The following OR5A2 variants were observed in gnomAD, a reference collection of about 807,000 sequenced individuals.
OR5A2 encodes olfactory receptor 5A2.
For missense variants in OR5A2, 406 were observed against 398.9 expected, an observed-to-expected ratio of 1.02 and a Z score of -0.15; for synonymous variants, 155 against 151.1, an observed-to-expected ratio of 1.03 and a Z score of -0.19.
At position 59,417,538 on chromosome 11, in the gene OR5A2, A is replaced by G. The variant is rs1357658758; in HGVS notation, c.*4441T>C. The G allele has an allele frequency of 6.6e-6, 1 of 152,112 alleles. No homozygotes were observed. The highest frequency in any genetic ancestry group is 1.9e-4 in the East Asian group (1 of 5,162). 9.4% of individuals were successfully genotyped at this position (152,112 alleles called of 1,614,324 possible). A position where few individuals can be genotyped will look rare whatever the true frequency, so the allele number is the denominator to read the frequency against. ...GTTATAGACATGAGGACAAGTCACC[A>G]GGAAATCAGGGAGGTAGTCACGGAT... On this transcript the variant is annotated 3_prime_UTR_variant, in exon 2 of 2. Coordinates refer to ENST00000302040, the MANE Select transcript of OR5A2 (RefSeq NM_001001954.2).
rs1381305677 is a variant in OR5A2, at chr11:59,417,114, C to T, written c.*4865G>A. On this transcript the variant is annotated 3_prime_UTR_variant, in exon 2 of 2. Coordinates refer to ENST00000302040, the MANE Select transcript of OR5A2 (RefSeq NM_001001954.2). The stretch of plus-strand genomic sequence containing the variant: ...ACATCATAGTTCCATCTCAGAAGAA[C>T]GTGGCTTTGAACACAAGATGAATTC... The T allele has an allele frequency of 6.6e-6, 1 of 152,040 alleles. No homozygotes were observed. The highest frequency in any genetic ancestry group is 1.5e-5 in the Non-Finnish European group (1 of 67,988). The allele number at this position is 152,040 out of a possible 1,614,324, so 9.4% of individuals were successfully genotyped here. A position where few individuals can be genotyped will look rare whatever the true frequency, so the allele number is the denominator to read the frequency against.
At position 59,422,107 on chromosome 11, in the gene OR5A2, T is replaced by C. The variant is rs1273642117; in HGVS notation, c.847A>G (p.Ile283Val). The C allele has an allele frequency of 3.1e-6, 5 of 1,613,924 alleles. No homozygotes were observed. The highest frequency in any genetic ancestry group is 2.2e-5 in the East Asian group (1 of 44,882). The change falls in exon 2 of 2, where the codon ATC becomes GTC. Residue 283 changes from isoleucine to valine, a missense_variant. Physicochemically the swap from Ile to Val is conservative, Grantham distance 29 (BLOSUM62 3). Transcript: ENST00000302040. ...TAGATGATGGGATTCACCACGGGGA[T>C]CACCAAGGCATAGAATATGGACACC... ...KVVSIFYALV[I>V]PVVNPIIYSF... is the part of the protein sequence containing the mutation.
Position 59,422,022 on chromosome 11 carries a change from C to A in OR5A2, c.932G>T (p.Gly311Val), listed in dbSNP as rs761868074. ...AMRKAMERDP[G>V]ISHGGPFIFM... ...AATGAATGGTCCACCGTGAGAAATC[C>A]CGGGGTCCCTTTCCATGGCTTTCCT... Residue 311 changes from glycine (G) to valine (V), a missense_variant, in exon 2 of 2, where the codon GGG (glycine) becomes GTG (valine). Coordinates refer to ENST00000302040, the MANE Select transcript of OR5A2 (RefSeq NM_001001954.2). 6.2e-7 allele frequency: 1 copy of A among 1,613,518 alleles called. No homozygotes were observed. The highest frequency in any genetic ancestry group is 8.5e-7 in the Non-Finnish European group (1 of 1,179,650).
chr11:59,420,799 C>A lies in OR5A2; in HGVS notation c.*1180G>T, dbSNP rs1411582273. ...GTTCTCTTCCAGAATTAATCACAGC[C>A]CTGGTAAAAATAGAGAACTTTTCAT... On this transcript the variant is annotated 3_prime_UTR_variant, in exon 2 of 2. Transcript: ENST00000302040. 1 of 152,118 alleles carries A rather than the reference C, an allele frequency of 6.6e-6. No homozygotes were observed. Among genetic ancestry groups the A allele is most frequent in the Non-Finnish European group, 1.5e-5 (1 of 68,036 alleles). 9.4% of individuals were successfully genotyped at this position (152,118 alleles called of 1,614,324 possible). A position where few individuals can be genotyped will look rare whatever the true frequency, so the allele number is the denominator to read the frequency against.
intron 1 of OR5A2, 75 bp downstream of exon 1, chr11:59,426,096 G>A (rs1182984412): frequency 6.6e-6 from 1 of 152,156 alleles, no homozygotes; most frequent in Admixed American, 6.5e-5. Flanking sequence ...CAAATAAAAG[G>A]TAGAATAGGC....
chr11:59,422,746 G>C lies in OR5A2; in HGVS notation c.208C>G (p.Leu70Val). ...GTGGAGGACACATAGCAGATGTCCA[G>C]GAAGGACAGGTTACTGAGGAAGAAG... ...MYFFLSNLSF[L>V]DICYVSSTAP... Residue 70 changes from leucine to valine, a missense_variant, in exon 2 of 2, where the codon CTG becomes GTG. By Grantham distance (32) the Leu-to-Val change is conservative. Coordinates refer to ENST00000302040, the MANE Select transcript of OR5A2 (RefSeq NM_001001954.2). 2 of 1,614,040 alleles carry C rather than the reference G, an allele frequency of 1.2e-6. No homozygotes were observed. Among genetic ancestry groups the C allele is most frequent in the Non-Finnish European group, 1.7e-6 (2 of 1,179,894 alleles).
In OR5A2 at chr11:59,421,444, T is replaced by C. The variant is rs1356509052; in HGVS notation, c.*535A>G. ...TCTATCAAGGCCCAAATCAGAATTA[T>C]TGCCTTAATGCCTCTAAAGAGTATG... On this transcript the variant is annotated 3_prime_UTR_variant, in exon 2 of 2. Transcript: ENST00000302040. 6.6e-6 allele frequency: 1 copy of C among 152,614 alleles called. No homozygotes were observed. Among genetic ancestry groups the C allele is most frequent in the Non-Finnish European group, 1.5e-5 (1 of 68,362 alleles). The allele number at this position is 152,614 out of a possible 1,614,324, so 9.5% of individuals were successfully genotyped here. A position where few individuals can be genotyped will look rare whatever the true frequency, so the allele number is the denominator to read the frequency against.
Position 59,423,036 on chromosome 11 carries a change from G to A in OR5A2, c.-83C>T. The A allele has an allele frequency of 7.4e-7, 1 of 1,344,396 alleles. No individual in the cohort carries two copies. The allele number at this position is 1,344,396 out of a possible 1,614,324, so 83.3% of individuals were successfully genotyped here. On this transcript the variant is annotated 5_prime_UTR_variant, in exon 2 of 2. Transcript: ENST00000302040. ...AGATTTTGTTTGTTATTGTAAGAGT[G>A]GGTATTTCCTAGAAGATCATACAAA...
rs1858188629 is a variant in OR5A2 at position 59,418,868 on chromosome 11, T to A, written c.*3111A>T. 6.6e-6 allele frequency: 1 copy of A among 152,118 alleles called. No individual in the cohort carries two copies. The highest frequency in any genetic ancestry group is 2.4e-5 in the African/African-American group (1 of 41,436). 9.4% of individuals were successfully genotyped at this position (152,118 alleles called of 1,614,324 possible). Reference sequence around the variant, plus strand: ...TTTTATGAAGACTTTTTATTCAGAATCTCTGTTCATCAAAAAAGTTTAGAG... The same window carrying A: ...TTTTATGAAGACTTTTTATTCAGAAACTCTGTTCATCAAAAAAGTTTAGAG... On this transcript the variant is annotated 3_prime_UTR_variant, in exon 2 of 2. Coordinates refer to ENST00000302040, the MANE Select transcript of OR5A2 (RefSeq NM_001001954.2).
rs752989316 is a variant in OR5A2, at chr11:59,422,302, A to G, written c.652T>C (p.Ser218Pro). 9.9e-6 allele frequency: 16 copies of G among 1,614,128 alleles called. No individual in the cohort carries two copies. Among genetic ancestry groups the G allele is most frequent in the Middle Eastern group, 1.6e-4 (1 of 6,062 alleles). ...GIVSVLVVLI[S>P]YGYIVAAVVK... ...ACAGCAGCAACAATGTAACCATAAGAGATGAGGACCACTAGCACAGACACT... is the reference window on the plus strand; with the variant it reads ...ACAGCAGCAACAATGTAACCATAAGGGATGAGGACCACTAGCACAGACACT... Residue 218 changes from serine to proline, a missense_variant, in exon 2 of 2, where the codon TCT (serine) becomes CCT (proline). Coordinates refer to ENST00000302040, the MANE Select transcript of OR5A2 (RefSeq NM_001001954.2).
rs963757545 is a variant in OR5A2 at position 59,418,989 on chromosome 11, G to T, written c.*2990C>A. 6.6e-6 allele frequency: 1 copy of T among 152,042 alleles called. No individual in the cohort carries two copies. Among genetic ancestry groups the T allele is most frequent in the Non-Finnish European group, 1.5e-5 (1 of 68,008 alleles). 9.4% of individuals were successfully genotyped at this position (152,042 alleles called of 1,614,324 possible). A position where few individuals can be genotyped will look rare whatever the true frequency, so the allele number is the denominator to read the frequency against. On this transcript the variant is annotated 3_prime_UTR_variant, in exon 2 of 2. Coordinates refer to ENST00000302040, the MANE Select transcript of OR5A2 (RefSeq NM_001001954.2). The stretch of plus-strand genomic sequence containing the variant: ...TTCAATGACTACCATTTTGAAAATT[G>T]ATAAACTGAAGGATAGGAGCTTGGT...
In OR5A2 at chr11:59,421,939, G is replaced by A. The variant is rs541902578; in HGVS notation, c.*40C>T. ...TCAACTAGTTTAAAATTATGTAAAT[G>A]TCTGCACAATTCACCTAGCTCACAG... On this transcript the variant is annotated 3_prime_UTR_variant, in exon 2 of 2. Transcript: ENST00000302040. 3.8e-5 allele frequency: 59 copies of A among 1,536,182 alleles called. No homozygotes were observed. The African/African-American group carries it at 5.4e-4, about 14-fold the overall frequency.
chr11:59,422,008 C>T lies in OR5A2; in HGVS notation c.946G>A (p.Gly316Arg), dbSNP rs1858228603. 9 of 1,611,438 alleles carry T rather than the reference C, an allele frequency of 5.6e-6. No homozygotes were observed. The highest frequency in any genetic ancestry group is 1.7e-6 in the Non-Finnish European group (2 of 1,178,474). ...CCCAAGGTCATAAAAATGAATGGTC[C>T]ACCGTGAGAAATCCCGGGGTCCCTT... is the stretch of plus-strand genomic sequence containing the variant. ...MERDPGISHGGPFIFMTLG is the reference protein window; with the variant it reads ...MERDPGISHGRPFIFMTLG Residue 316 changes from glycine to arginine, a missense_variant, in exon 2 of 2, where the codon GGA (glycine) becomes AGA (arginine). Coordinates refer to ENST00000302040, the MANE Select transcript of OR5A2 (RefSeq NM_001001954.2).
rs1164890133 is a variant in OR5A2, at chr11:59,420,052, G to T, written c.*1927C>A. On this transcript the variant is annotated 3_prime_UTR_variant, in exon 2 of 2. Coordinates refer to ENST00000302040, the MANE Select transcript of OR5A2 (RefSeq NM_001001954.2). Reference sequence around the variant, plus strand: ...TTCCTTGTTATGCTACAGTCAGATTGTAAAGTAAGTCACTGTATATGGTGT... The same window carrying T: ...TTCCTTGTTATGCTACAGTCAGATTTTAAAGTAAGTCACTGTATATGGTGT... The T allele has an allele frequency of 2.0e-5, 3 of 152,150 alleles. No homozygotes were observed. Among genetic ancestry groups the T allele is most frequent in the East Asian group, 3.9e-4 (2 of 5,188 alleles). 9.4% of individuals were successfully genotyped at this position (152,150 alleles called of 1,614,324 possible). A position where few individuals can be genotyped will look rare whatever the true frequency, so the allele number is the denominator to read the frequency against.
chr11:59,420,235 T>C lies in OR5A2; in HGVS notation c.*1744A>G, dbSNP rs1482731788. On this transcript the variant is annotated 3_prime_UTR_variant, in exon 2 of 2. Coordinates refer to ENST00000302040, the MANE Select transcript of OR5A2 (RefSeq NM_001001954.2). ...TTTCTAAATAACTTGGATCAGGCTA[T>C]GTACCTACAAAATGGCAGAGATGAA... 1 of 152,130 alleles carries C rather than the reference T, an allele frequency of 6.6e-6. No individual in the cohort carries two copies. Among genetic ancestry groups the C allele is most frequent in the Admixed American group, 6.6e-5 (1 of 15,252 alleles). 9.4% of individuals were successfully genotyped at this position (152,130 alleles called of 1,614,324 possible). A position where few individuals can be genotyped will look rare whatever the true frequency, so the allele number is the denominator to read the frequency against.
chr11:59,422,660 A>G lies in OR5A2; in HGVS notation c.294T>C (p.Cys98=), dbSNP rs2134523335. The change falls in exon 2 of 2, where the codon TGT becomes TGC. Residue 98 remains cysteine, a synonymous_variant. Transcript: ENST00000302040. ...CACAGAAGACAAAGTACTGAGTGGCACAGCCAACAAAGGAAATGGTTTTCT... is the reference window on the plus strand; with the variant it reads ...CACAGAAGACAAAGTACTGAGTGGCGCAGCCAACAAAGGAAATGGTTTTCT... ...TEQKTISFVG[C]ATQYFVFCGM... 8.7e-6 allele frequency: 14 copies of G among 1,614,188 alleles called. No individual in the cohort carries two copies. The highest frequency in any genetic ancestry group is 1.1e-5 in the Non-Finnish European group (13 of 1,180,018).
At chr11:59,424,491 G>A (rs1039706524) in intron 1 of OR5A2, 1 of 152,284 alleles carries the variant, frequency 6.6e-6, no homozygotes, top group African/African-American at 2.4e-5. Flanking sequence ...GAAGGCTGAG[G>A]TGAGGGGGAT....
In OR5A2 at chr11:59,426,402, G is replaced by T. The variant is rs1363287662; in HGVS notation, c.-323C>A. On this transcript the variant is annotated 5_prime_UTR_variant, in exon 1 of 2. Transcript: ENST00000302040. ...AAGTCTTCCAAATAAATGGGCTGTGGGAGTTCATTATTTTAATGGGCAGAG... is the reference window on the plus strand; with the variant it reads ...AAGTCTTCCAAATAAATGGGCTGTGTGAGTTCATTATTTTAATGGGCAGAG... 6.6e-6 allele frequency: 1 copy of T among 152,174 alleles called. No individual in the cohort carries two copies. Among genetic ancestry groups the T allele is most frequent in the Non-Finnish European group, 1.5e-5 (1 of 68,042 alleles). The allele number at this position is 152,174 out of a possible 1,614,324, so 9.4% of individuals were successfully genotyped here. A position where few individuals can be genotyped will look rare whatever the true frequency, so the allele number is the denominator to read the frequency against.
Position 59,420,074 on chromosome 11 carries a change from G to A in OR5A2, c.*1905C>T, listed in dbSNP as rs1200721411. 6.6e-6 allele frequency: 1 copy of A among 152,094 alleles called. No homozygotes were observed. Among genetic ancestry groups the A allele is most frequent in the Non-Finnish European group, 1.5e-5 (1 of 68,018 alleles). 9.4% of individuals were successfully genotyped at this position (152,094 alleles called of 1,614,324 possible). ...ATTGTAAAGTAAGTCACTGTATATG[G>A]TGTTAAATAAAACCCATCTAATGAG... On this transcript the variant is annotated 3_prime_UTR_variant, in exon 2 of 2. Transcript: ENST00000302040.
Sources: gnomAD v4.1 joint callset for allele counts on GRCh38, gnomAD v4.1.1 for gene constraint, MANE v1.5 for transcripts, NCBI Gene and HGNC (gene_info 2026-07-23, HGNC 2026-07-21) for gene names.